The following NAALADL2 variants were observed in gnomAD, a reference collection of about 807,000 sequenced individuals.
The protein encoded by NAALADL2 is N-acetylated alpha-linked acidic dipeptidase like 2.
Under a neutral mutation model 87.2 loss-of-function variants are expected in NAALADL2, and 76 were observed. The ratio of observed to expected loss-of-function variants is 0.87; its 90% CI spans 0.72 to 1.05. NAALADL2 has a LOEUF of 1.05. NAALADL2 is among the 50% of genes least tolerant of loss of function. NAALADL2 has a pLI of 0.00. For missense variants in NAALADL2, 1,089 were observed against 945.8 expected, an observed-to-expected ratio of 1.15 and a Z score of -1.99; for synonymous variants, 354 against 331.0, an observed-to-expected ratio of 1.07 and a Z score of -0.75.
chr3:174,769,588 A>G (rs1714273228), intron 3 of NAALADL2, among the ~76,000 whole-genome samples: 1 of 151,396 alleles, frequency 6.6e-6, no homozygotes, highest in Non-Finnish European at 1.5e-5. Context: ...TTTTTATTTT[A>G]TTATACCTTT....
rs188024899 is a variant in NAALADL2, at chr3:175,755,426, G to T, written c.2189+8G>T. ...ACCACCAGGTTTTTATAGGTAGGATGCATGTCTCAAAAATTATACTTTTTG... is the reference window on the plus strand; with the variant it reads ...ACCACCAGGTTTTTATAGGTAGGATTCATGTCTCAAAAATTATACTTTTTG... On this transcript the variant is annotated splice_region_variant and intron_variant, in intron 13 of 13. Coordinates refer to ENST00000454872, the MANE Select transcript of NAALADL2 (RefSeq NM_207015.3). 2 of 1,560,304 alleles carry T rather than the reference G, an allele frequency of 1.3e-6. No homozygotes were observed. Among genetic ancestry groups the T allele is most frequent in the South Asian group, 2.4e-5 (2 of 84,246 alleles).
At position 174,672,989 on chromosome 3, in the gene NAALADL2, A is replaced by G. The variant is rs62284749; in HGVS notation, c.-114-64652A>G. Among the ~76,000 whole-genome samples the G allele has an allele frequency of 7.2e-3, 1,092 of 152,134 alleles. 6 individuals carry two copies. Among genetic ancestry groups the G allele is most frequent in the Non-Finnish European group, 0.011 (739 of 67,970 alleles). On this transcript the variant is annotated intron_variant, in intron 2 of 3. Coordinates refer to the NAALADL2 transcript ENST00000434257. ...AGAGGCATGTCTCATTCTGATGTAT[A>G]TTTTCACAAAATCCCTTTGGCTGCG...
At chr3:175,493,699 C>T (rs576246903) in intron 9 of NAALADL2, among the ~76,000 whole-genome samples, 1 of 152,222 alleles carries the variant, frequency 6.6e-6, no homozygotes, top group South Asian at 2.1e-4. Context: ...TCCCAAGGGT[C>T]GATGTCTATA....
At chr3:175,412,891 T>TTTATTTATTATTATTA (rs1553887809) in intron 5 of NAALADL2, among the ~76,000 whole-genome samples, 9 of 123,008 alleles carry the variant, frequency 7.3e-5, no homozygotes, top group South Asian at 5.9e-4. Flanking sequence ...ATTTAATTTA[T>TTTATTTATTATTATTA]TTATTATTAT....
chr3:174,601,239 A>G lies in NAALADL2; in HGVS notation c.-115+50602A>G, dbSNP rs116588243. Reference sequence around the variant, plus strand: ...AAACTGTTCTCCATAGCAGTTGTACAAATTTACATTCACACCAACAGTTGT... The same window carrying G: ...AAACTGTTCTCCATAGCAGTTGTACGAATTTACATTCACACCAACAGTTGT... On this transcript the variant is annotated intron_variant, in intron 2 of 3. Coordinates refer to the NAALADL2 transcript ENST00000434257. 1.9e-3 allele frequency among the ~76,000 whole-genome samples: 293 copies of G among 152,246 alleles called. 2 individuals are homozygous for G. Among genetic ancestry groups the G allele is most frequent in the African/African-American group, 6.5e-3 (272 of 41,576 alleles).
rs187973585 is a variant in NAALADL2 at position 174,668,473 on chromosome 3, A to G, written c.-114-69168A>G. On this transcript the variant is annotated intron_variant, in intron 2 of 3. Coordinates refer to the NAALADL2 transcript ENST00000434257. ...TCTAGGGTACATGTGCACAACGTGC[A>G]GGTTAGTTACATATGTATACATGTG... Among the ~76,000 whole-genome samples, 273 of 152,268 alleles carry G rather than the reference A, an allele frequency of 1.8e-3. 2 individuals are homozygous for G. Among genetic ancestry groups the G allele is most frequent in the Admixed American group, 3.5e-3 (54 of 15,288 alleles).
At chr3:175,050,011 C>T (rs947674117) in intron 1 of NAALADL2, among the ~76,000 whole-genome samples, 1 of 152,024 alleles carries the variant, frequency 6.6e-6, no homozygotes, top group African/African-American at 2.4e-5. Context: ...TGGGTTTTCT[C>T]CAGGTACTCT....
intron 1 of NAALADL2, among the ~76,000 whole-genome samples, chr3:174,933,721 A>G (rs1737254217): frequency 1.3e-5 from 2 of 152,308 alleles, no homozygotes; most frequent in East Asian, 1.9e-4. Context: ...GATATTTTCT[A>G]CACTCTAGGA....
chr3:174,493,748 T>G (rs1219254010), intron 1 of NAALADL2, among the ~76,000 whole-genome samples: 11 of 152,206 alleles, frequency 7.2e-5, no homozygotes, highest in African/African-American at 2.7e-4. Flanking sequence ...ATTCATTCAT[T>G]TCCTTATTTT....
intron 2 of NAALADL2, among the ~76,000 whole-genome samples, chr3:175,108,864 G>T (rs577542146): frequency 7.4e-4 from 113 of 151,892 alleles, no homozygotes; most frequent in South Asian, 1.5e-3. Context: ...GAAAAATTGT[G>T]TCAGGTTTTT....
intron 1 of NAALADL2, among the ~76,000 whole-genome samples, chr3:174,977,359 A>G (rs1053693959): frequency 1.2e-4 from 19 of 152,150 alleles, no homozygotes; most frequent in African/African-American, 4.3e-4. Flanking sequence ...TCCTGACCTC[A>G]GGTGATCCAC....
At chr3:175,048,704 T>G (rs1754986962) in intron 1 of NAALADL2, among the ~76,000 whole-genome samples, 2 of 152,114 alleles carry the variant, frequency 1.3e-5, no homozygotes, top group Admixed American at 1.3e-4. Context: ...TACAGCTAAG[T>G]ATTGTTTTAT....
At chr3:175,656,225 A>G (rs1378479404) in intron 11 of NAALADL2, among the ~76,000 whole-genome samples, 2 of 152,204 alleles carry the variant, frequency 1.3e-5, no homozygotes, top group Non-Finnish European at 2.9e-5. Flanking sequence ...AGACAGGTAT[A>G]GTCCCACTAT....
intron 13 of NAALADL2, chr3:175,776,180 C>A (rs1350191270): frequency 6.6e-6 from 1 of 152,130 alleles, no homozygotes; most frequent in African/African-American, 2.4e-5. Context: ...GATTTGAAAA[C>A]ATACTTCCAA....
At chr3:174,974,387 C>T (rs1744090680) in intron 1 of NAALADL2, among the ~76,000 whole-genome samples, 1 of 152,202 alleles carries the variant, frequency 6.6e-6, no homozygotes, top group Non-Finnish European at 1.5e-5. Flanking sequence ...TTTATCAAGG[C>T]ATCCCAGGTA....
intron 2 of NAALADL2, among the ~76,000 whole-genome samples, chr3:174,609,846 G>A (rs375044282): frequency 3.9e-5 from 6 of 152,026 alleles, no homozygotes; most frequent in Non-Finnish European, 5.9e-5. Context: ...AAAAGAGCCC[G>A]CATCGCCAAG....
intron 13 of NAALADL2, among the ~76,000 whole-genome samples, chr3:175,780,069 C>A (rs1446343180): frequency 6.6e-6 from 1 of 151,542 alleles, no homozygotes; most frequent in Admixed American, 6.6e-5. Flanking sequence ...TAGATCGAGA[C>A]CATCCTGGTT....
At chr3:174,735,239 A>G (rs2108993944) in intron 2 of NAALADL2, among the ~76,000 whole-genome samples, 1 of 152,238 alleles carries the variant, frequency 6.6e-6, no homozygotes, top group East Asian at 1.9e-4. Context: ...AAAAGACTCA[A>G]TATCTTAAAA....
rs1357590940 is a variant in NAALADL2, at chr3:175,807,700, C to T, written c.*4497C>T. Reference sequence around the variant, plus strand: ...CCATGGATACAGTGCAGGGAAAAAACAAACAAACAATATTTGAGAAAATAT... The same window carrying T: ...CCATGGATACAGTGCAGGGAAAAAATAAACAAACAATATTTGAGAAAATAT... On this transcript the variant is annotated 3_prime_UTR_variant, in exon 14 of 14. Transcript: ENST00000454872. The T allele has an allele frequency of 1.3e-5, 2 of 151,708 alleles. No individual in the cohort carries two copies. Among genetic ancestry groups the T allele is most frequent in the Non-Finnish European group, 2.9e-5 (2 of 67,812 alleles). 9.4% of individuals were successfully genotyped at this position (151,708 alleles called of 1,614,324 possible). A position where few individuals can be genotyped will look rare whatever the true frequency, so the allele number is the denominator to read the frequency against.
Sources: allele counts gnomAD v4.1 joint callset (sites outside exome capture counted in the v4.1 genomes callset), GRCh38; gene constraint gnomAD v4.1.1; transcripts MANE v1.5; gene names NCBI Gene and HGNC (gene_info 2026-07-23, HGNC 2026-07-21).